The following ANO2 variants were observed in gnomAD, a reference collection of about 807,000 sequenced individuals.
ANO2 encodes the protein anoctamin 2, also known as anoctamin-2.
ANO2 carries 101 observed loss-of-function variants against 124.2 expected under a neutral mutation model. That is an observed-to-expected ratio of 0.81 (90% confidence interval 0.69 to 0.96). The LOEUF is 0.96. Among genes scored for constraint, ANO2 ranks in the 40% least tolerant of loss-of-function variants. ANO2 has a pLI of 0.00. For synonymous variants in ANO2, 486 were observed against 482.5 expected (o/e 1.01, Z -0.09); for missense variants, 1,293 against 1,274.5 (o/e 1.01, Z -0.22).
At position 5,563,214 on chromosome 12, in the gene ANO2, A is replaced by G. The variant is rs1287475956; in HGVS notation, c.*85T>C. 2 of 1,485,836 alleles carry G rather than the reference A, an allele frequency of 1.3e-6. No individual in the cohort carries two copies. Among genetic ancestry groups the G allele is most frequent in the Non-Finnish European group, 1.8e-6 (2 of 1,116,490 alleles). The allele number at this position is 1,485,836 out of a possible 1,614,324, so 92.0% of individuals were successfully genotyped here. ...TCAAGCCAGGCCCCTGCAGACAGAC[A>G]GCACGCCATGTGGGTGTAGGAACAT... On this transcript the variant is annotated 3_prime_UTR_variant, in exon 25 of 25. Coordinates refer to ENST00000682330, the MANE Select transcript of ANO2 (RefSeq NM_001364791.2).
chr12:5,655,986 G>A (rs1436375814), intron 14 of ANO2, among the ~76,000 whole-genome samples: 1 of 152,226 alleles, frequency 6.6e-6, no homozygotes, highest in South Asian at 2.1e-4. Flanking sequence ...GAGCAGCAAG[G>A]CGTCCATTAG....
In ANO2 at chr12:5,799,491, C is replaced by T; in HGVS notation, c.1055+16G>A. The T allele has an allele frequency of 6.2e-7, 1 of 1,611,234 alleles. No homozygotes were observed. The highest frequency in any genetic ancestry group is 1.1e-5 in the South Asian group (1 of 90,694). ...CATCTCCAGGATACTTCCAAAAGTT[C>T]CCTACCACCTCTTACCTGATGAGGT... is the stretch of plus-strand genomic sequence containing the variant. On this transcript the variant is annotated intron_variant, in intron 10 of 24. Coordinates refer to ENST00000682330, the MANE Select transcript of ANO2 (RefSeq NM_001364791.2).
In ANO2 at chr12:5,571,543, C is replaced by A. The variant is rs1052332548; in HGVS notation, c.2621+4291G>T. Among the ~76,000 whole-genome samples the A allele has an allele frequency of 5.6e-4, 85 of 152,344 alleles. 1 individual carries two copies. Among genetic ancestry groups the A allele is most frequent in the African/African-American group, 1.9e-3 (79 of 41,584 alleles). ...GAAAGCTAAGAATAAGAAGGGTCAA[C>A]AAGTTCCCAACGCTATTTGCCAGAA... On this transcript the variant is annotated intron_variant, in intron 23 of 24. Coordinates refer to ENST00000682330, the MANE Select transcript of ANO2 (RefSeq NM_001364791.2).
At chr12:5,851,512 C>T (rs969864207) in intron 4 of ANO2, among the ~76,000 whole-genome samples, 3 of 152,026 alleles carry the variant, frequency 2.0e-5, no homozygotes, top group African/African-American at 7.2e-5. Flanking sequence ...TGGAGAAACC[C>T]TGTCTCTACT....
At chr12:5,822,665 T>G (rs1953842140) in intron 7 of ANO2, among the ~76,000 whole-genome samples, 1 of 152,230 alleles carries the variant, frequency 6.6e-6, no homozygotes, top group Non-Finnish European at 1.5e-5. Context: ...ATTTTGGACC[T>G]CTTCCATCAT....
chr12:5,927,006 A>G (rs911199201), intron 1 of ANO2, among the ~76,000 whole-genome samples: 1 of 152,206 alleles, frequency 6.6e-6, no homozygotes, highest in African/African-American at 2.4e-5. Flanking sequence ...AATGCACAGG[A>G]TAATTATCAA....
In ANO2 at chr12:5,854,149, G is replaced by A. The variant is rs775067691; in HGVS notation, c.535-8C>T. On this transcript the variant is annotated splice_region_variant and splice_polypyrimidine_tract_variant and intron_variant, in intron 3 of 24. Coordinates refer to ENST00000682330, the MANE Select transcript of ANO2 (RefSeq NM_001364791.2). Reference sequence around the variant, plus strand: ...GGATCCCTGGCTTTTATTCTGCAAGGTACAAAGAAAGAACAAATGGAAACA... The same window carrying A: ...GGATCCCTGGCTTTTATTCTGCAAGATACAAAGAAAGAACAAATGGAAACA... The A allele has an allele frequency of 1.0e-4, 162 of 1,610,212 alleles. No individual in the cohort carries two copies. The highest frequency in any genetic ancestry group is 4.7e-4 in the Admixed American group (28 of 59,906).
chr12:5,942,558 C>T (rs879358273), intron 1 of ANO2, among the ~76,000 whole-genome samples: 2 of 152,202 alleles, frequency 1.3e-5, no homozygotes, highest in Admixed American at 6.5e-5. Flanking sequence ...GCCACAAGAC[C>T]GCACACAACC....
At chr12:5,706,286 C>T (rs1383689955) in intron 14 of ANO2, among the ~76,000 whole-genome samples, 3 of 152,120 alleles carry the variant, frequency 2.0e-5, no homozygotes, top group African/African-American at 7.2e-5. Context: ...AAAGTTCTGA[C>T]GGAGGCTGAT....
At chr12:5,892,123 A>G (rs552800323) in intron 3 of ANO2, among the ~76,000 whole-genome samples, 6 of 152,152 alleles carry the variant, frequency 3.9e-5, no homozygotes, top group Non-Finnish European at 8.8e-5. Context: ...TAATTAAAAA[A>G]TAAAATAACT....
rs953338331 is a variant in ANO2, at chr12:5,563,673, A to G, written c.2728-105T>C. 17 of 1,438,186 alleles carry G rather than the reference A, an allele frequency of 1.2e-5. No individual in the cohort carries two copies. In the East Asian group the frequency reaches 3.7e-4, roughly 31 times the overall value. The allele number at this position is 1,438,186 out of a possible 1,614,324, so 89.1% of individuals were successfully genotyped here. A position where few individuals can be genotyped will look rare whatever the true frequency, so the allele number is the denominator to read the frequency against. ...TGTGTCAATCCTGGCTTTGCAACTT[A>G]CCAGCCCAGTGATCGCAACCAGTGA... On this transcript the variant is annotated intron_variant, in intron 24 of 24. Coordinates refer to ENST00000682330, the MANE Select transcript of ANO2 (RefSeq NM_001364791.2).
At position 5,922,804 on chromosome 12, in the gene ANO2, T is replaced by G. The variant is rs901512027; in HGVS notation, c.23A>C (p.Asp8Ala). Residue 8 changes from aspartate (D) to alanine (A), a missense_variant and splice_region_variant, in exon 2 of 25, where the codon GAT becomes GCT. Asp to Ala is a moderately radical substitution (Grantham distance 126, BLOSUM62 -2). Coordinates refer to ENST00000682330, the MANE Select transcript of ANO2 (RefSeq NM_001364791.2). MATPGPR[D>A]IPLLPGSPRR... ...TGGGGAGCCAGGGAGCAGGGGTATA[T>G]CTGTGAGAGGGAAAGACAAGGGAGG... is the stretch of plus-strand genomic sequence containing the variant. 1 of 1,493,222 alleles carries G rather than the reference T, an allele frequency of 6.7e-7. No homozygotes were observed. The highest frequency in any genetic ancestry group is 8.9e-7 in the Non-Finnish European group (1 of 1,122,088). The allele number at this position is 1,493,222 out of a possible 1,614,324, so 92.5% of individuals were successfully genotyped here. A position where few individuals can be genotyped will look rare whatever the true frequency, so the allele number is the denominator to read the frequency against.
intron 7 of ANO2, among the ~76,000 whole-genome samples, chr12:5,813,426 G>A (rs960728392): frequency 3.3e-5 from 5 of 152,044 alleles, no homozygotes; most frequent in Admixed American, 1.3e-4. Context: ...GCAGATCTTC[G>A]GACCTTGCCC....
intron 14 of ANO2, among the ~76,000 whole-genome samples, chr12:5,692,974 C>A (rs938312673): frequency 2.0e-5 from 3 of 152,144 alleles, no homozygotes; most frequent in Admixed American, 6.5e-5. Context: ...TCGCATGACC[C>A]CCTGGGACTC....
At chr12:5,917,644 T>C (rs1248570728) in intron 3 of ANO2, among the ~76,000 whole-genome samples, 2 of 149,312 alleles carry the variant, frequency 1.3e-5, no homozygotes, top group Non-Finnish European at 3.0e-5. Context: ...CTCAGCTCAC[T>C]GCAACTTCCA....
intron 9 of ANO2, 125 bp from the exon 10 acceptor site, chr12:5,799,696 T>C: frequency 4.9e-6 from 4 of 813,214 alleles, no homozygotes; most frequent in Non-Finnish European, 8.1e-6. Context: ...TCATGAGACA[T>C]CCAGGGGGAG....
chr12:5,761,971 T>C (rs972115275), intron 10 of ANO2, among the ~76,000 whole-genome samples: 2 of 152,134 alleles, frequency 1.3e-5, no homozygotes, highest in Non-Finnish European at 2.9e-5. Context: ...AATGACTAGC[T>C]TTGATGTTTT....
intron 14 of ANO2, among the ~76,000 whole-genome samples, chr12:5,715,152 T>C (rs1171193976): frequency 2.6e-5 from 4 of 152,190 alleles, no homozygotes; most frequent in Admixed American, 2.6e-4. Flanking sequence ...AAATGTTCCC[T>C]TTCTCGGAAG....
At chr12:5,837,143 G>C (rs1402447701) in intron 4 of ANO2, among the ~76,000 whole-genome samples, 1 of 152,120 alleles carries the variant, frequency 6.6e-6, no homozygotes, top group East Asian at 1.9e-4. Context: ...TAAGGCCTCT[G>C]ATAGGCCAAA....
Sources: gnomAD v4.1 joint callset for allele counts (sites outside exome capture counted in the v4.1 genomes callset) on GRCh38, gnomAD v4.1.1 for gene constraint, MANE v1.5 for transcripts, NCBI Gene and HGNC (gene_info 2026-07-23, HGNC 2026-07-21) for gene names.